IRAK1BP1: variants seen among roughly 807,000 people sequenced by gnomAD.
IRAK1BP1 encodes the protein interleukin-1 receptor-associated kinase 1-binding protein 1.
Under a neutral mutation model 28.0 loss-of-function variants are expected in IRAK1BP1, and 24 were observed. The ratio of observed to expected loss-of-function variants is 0.86; its 90% CI spans 0.62 to 1.20. The LOEUF (loss-of-function observed/expected upper bound fraction) is 1.20, where lower values mean the gene tolerates loss of function less well. IRAK1BP1 is among the 50% of genes most tolerant of loss of function. IRAK1BP1 has a pLI of 0.00. For missense variants in IRAK1BP1, 336 were observed against 316.7 expected (o/e 1.06, Z -0.46); for synonymous variants, 131 against 116.3 (o/e 1.13, Z -0.81).
chr6:78,954,770 G>A, the IRAK1BP1 span: 2 of 1,301,354 alleles, frequency 1.5e-6, no homozygotes, highest in Admixed American at 2.4e-5. Context: ...TAAAAGGTAT[G>A]TAGCAAACTG....
chr6:78,878,843 A>G (rs138281245), intron 1 of IRAK1BP1, among the ~76,000 whole-genome samples: 3 of 152,216 alleles, frequency 2.0e-5, no homozygotes, highest in Non-Finnish European at 4.4e-5. Flanking sequence ...CACAAGAACT[A>G]CGTGACGCAT....
At chr6:78,905,031 A>G (rs1262273316), downstream of IRAK1BP1, among the ~76,000 whole-genome samples, 5 of 152,214 alleles carry the variant, frequency 3.3e-5, no homozygotes, top group African/African-American at 1.2e-4. Context: ...AAAATTCAGC[A>G]TATATTTGAA....
the IRAK1BP1 span, among the ~76,000 whole-genome samples, chr6:78,952,005 T>G: frequency 2.0e-5 from 3 of 152,378 alleles, no homozygotes; most frequent in African/African-American, 7.2e-5. Flanking sequence ...GTATGACTGT[T>G]TCAATATTTT....
the IRAK1BP1 span, among the ~76,000 whole-genome samples, chr6:78,972,565 C>A: frequency 1.3e-5 from 2 of 151,972 alleles, no homozygotes; most frequent in Non-Finnish European, 2.9e-5. Context: ...AGGCTTCAGA[C>A]GATCAAATTA....
chr6:78,931,025 C>T (rs542984081), intron 4 of IRAK1BP1, among the ~76,000 whole-genome samples: 1 of 152,080 alleles, frequency 6.6e-6, no homozygotes, highest in Admixed American at 6.6e-5. Flanking sequence ...CTATCTTAAT[C>T]GAATGATTAA....
the IRAK1BP1 span, chr6:78,955,406 T>TAATA: frequency 1.5e-6 from 1 of 687,278 alleles, no homozygotes; most frequent in Middle Eastern, 2.5e-4. Context: ...CTGGGGCACT[T>TAATA]TATTGACTCA....
At chr6:78,965,004 C>G in the IRAK1BP1 span, among the ~76,000 whole-genome samples, 3 of 152,106 alleles carry the variant, frequency 2.0e-5, no homozygotes, top group African/African-American at 7.2e-5. Flanking sequence ...AATCTCCAGG[C>G]TTTGGTCCCA....
At chr6:78,889,116 CAAA>C (rs201870779) in intron 2 of IRAK1BP1, among the ~76,000 whole-genome samples, 2 of 79,846 alleles carry the variant, frequency 2.5e-5, no homozygotes, top group Non-Finnish European at 2.4e-5. Context: ...GACTCTGTCT[CAAA>C]AAAAAAAAAA....
chr6:78,944,290 T>G (rs1050089915), intron 4 of IRAK1BP1, among the ~76,000 whole-genome samples: 1 of 152,190 alleles, frequency 6.6e-6, no homozygotes, highest in African/African-American at 2.4e-5. Flanking sequence ...TGTTTCCATA[T>G]ATGATTTGAA....
chr6:78,976,264 A>G, the IRAK1BP1 span, among the ~76,000 whole-genome samples: 2 of 149,742 alleles, frequency 1.3e-5, no homozygotes, highest in South Asian at 4.3e-4. Flanking sequence ...GAGAAAAACA[A>G]GCAATGGGAA....
In IRAK1BP1 at chr6:78,898,384, C is replaced by A; in HGVS notation, c.*50C>A. 1.3e-6 allele frequency: 1 copy of A among 779,508 alleles called. No individual in the cohort carries two copies. The highest frequency in any genetic ancestry group is 1.7e-6 in the Non-Finnish European group (1 of 579,568). 48.3% of individuals were successfully genotyped at this position (779,508 alleles called of 1,614,324 possible). ...TTGTATCTTTTTACCTATTTTTATA[C>A]TTTTTATAATGTTTACGTTTGTCCT... On this transcript the variant is annotated 3_prime_UTR_variant, in exon 4 of 4. Coordinates refer to ENST00000369940, the MANE Select transcript of IRAK1BP1 (RefSeq NM_001010844.4).
At chr6:78,869,417 G>C (rs765067649) in intron 1 of IRAK1BP1, among the ~76,000 whole-genome samples, 6 of 152,220 alleles carry the variant, frequency 3.9e-5, no homozygotes, top group Non-Finnish European at 5.9e-5. Flanking sequence ...CTACTAGGGT[G>C]ACTGAGGCAG....
At chr6:78,955,455 A>G in the IRAK1BP1 span, among the ~76,000 whole-genome samples, 1 of 151,730 alleles carries the variant, frequency 6.6e-6, no homozygotes, top group Non-Finnish European at 1.5e-5. Flanking sequence ...TTTTTTAACT[A>G]TAAGAAGAAT....
the IRAK1BP1 span, among the ~76,000 whole-genome samples, chr6:78,968,121 C>A: frequency 6.6e-6 from 1 of 152,030 alleles, no homozygotes; most frequent in South Asian, 2.1e-4. Flanking sequence ...GGTGACAGAG[C>A]GAGACTCCAT....
intron 1 of IRAK1BP1, among the ~76,000 whole-genome samples, chr6:78,882,775 A>G (rs1771276831): frequency 1.3e-5 from 2 of 152,148 alleles, no homozygotes; most frequent in South Asian, 4.1e-4. Flanking sequence ...TTAATAGAAA[A>G]ACTGGTGAAA....
At chr6:78,951,785 A>C in the IRAK1BP1 span, among the ~76,000 whole-genome samples, 1 of 152,334 alleles carries the variant, frequency 6.6e-6, no homozygotes, top group Non-Finnish European at 1.5e-5. Context: ...TCTTTATATA[A>C]AAATTCATTT....
chr6:78,950,452 T>C (rs1023221971), downstream of IRAK1BP1, among the ~76,000 whole-genome samples: 5 of 152,236 alleles, frequency 3.3e-5, no homozygotes, highest in African/African-American at 1.2e-4. Flanking sequence ...GGTTGAATTC[T>C]CCAGTGAAGC....
downstream of IRAK1BP1, chr6:78,946,940 T>A (rs1350727462): frequency 2.3e-6 from 2 of 876,942 alleles, no homozygotes; most frequent in Non-Finnish European, 3.5e-6. Flanking sequence ...CAGTAAATAC[T>A]GTAATGTAAA....
At chr6:78,945,829 A>T in exon 5 of IRAK1BP1, 1 of 621,460 alleles carries the variant, frequency 1.6e-6, no homozygotes, top group Non-Finnish European at 2.8e-6. Context: ...CCTAAACCTC[A>T]ATTTAATTCT....
Sources: gnomAD v4.1 joint callset for allele counts (sites outside exome capture counted in the v4.1 genomes callset) on GRCh38, gnomAD v4.1.1 for gene constraint, MANE v1.5 for transcripts, NCBI Gene and HGNC (gene_info 2026-07-23, HGNC 2026-07-21) for gene names.